Variants in SRD5A2 observed in about 807,000 individuals in gnomAD.
SRD5A2 encodes 3-oxo-5-alpha-steroid 4-dehydrogenase 2.
In SRD5A2, 30 loss-of-function variants were observed where a neutral mutation model predicts 27.4. The ratio of observed to expected loss-of-function variants is 1.10; its 90% CI spans 0.82 to 1.49. The LOEUF is 1.49. Ranked by LOEUF, SRD5A2 falls within the 40% of genes most tolerant of loss-of-function variation. The pLI is 0.00. For synonymous variants in SRD5A2, 141 were observed against 133.6 expected (o/e 1.06, Z -0.38); for missense variants, 348 against 323.4 (o/e 1.08, Z -0.58).
upstream of SRD5A2, among the ~76,000 whole-genome samples, chr2:31,583,230 A>C (rs1667110270): frequency 6.6e-6 from 1 of 152,218 alleles, no homozygotes; most frequent in South Asian, 2.1e-4. Flanking sequence ...TAGCTCCACC[A>C]TGTCTATATA....
chr2:31,582,673 T>C (rs1264445312), upstream of SRD5A2, among the ~76,000 whole-genome samples: 1 of 152,160 alleles, frequency 6.6e-6, no homozygotes, highest in Non-Finnish European at 1.5e-5. Context: ...TTCTCCCTGC[T>C]GGAAAACTCC....
chr2:31,608,215 T>A, the SRD5A2 span, among the ~76,000 whole-genome samples: 6 of 152,024 alleles, frequency 3.9e-5, no homozygotes, highest in East Asian at 1.2e-3. Flanking sequence ...TATACAATTA[T>A]ATCATAAGAG....
In SRD5A2 at chr2:31,522,723, T is replaced by C. The variant is rs892239877; in HGVS notation, c.*3473A>G. On this transcript the variant is annotated 3_prime_UTR_variant, in exon 5 of 5. Transcript: ENST00000622030. ...CTATGCCTCTTTCATCATAGGATAG[T>C]GTAGATGCTATAAAATAATCAGCAT... 9 of 223,222 alleles carry C rather than the reference T, an allele frequency of 4.0e-5. No homozygotes were observed. Among genetic ancestry groups the C allele is most frequent in the Non-Finnish European group, 7.2e-5 (8 of 111,696 alleles). 13.8% of individuals were successfully genotyped at this position (223,222 alleles called of 1,614,324 possible). A position where few individuals can be genotyped will look rare whatever the true frequency, so the allele number is the denominator to read the frequency against.
intron 1 of SRD5A2, among the ~76,000 whole-genome samples, chr2:31,564,523 T>G (rs930301999): frequency 5.3e-5 from 8 of 151,944 alleles, no homozygotes; most frequent in African/African-American, 1.9e-4. Flanking sequence ...CCAATTTTGA[T>G]GAAAGACTCA....
chr2:31,572,212 G>C (rs1313199891), intron 1 of SRD5A2, among the ~76,000 whole-genome samples: 1 of 152,144 alleles, frequency 6.6e-6, no homozygotes, highest in Non-Finnish European at 1.5e-5. Context: ...CATAGAAACT[G>C]AAAACCAACT....
chr2:31,556,486 G>A (rs575051178), intron 1 of SRD5A2, among the ~76,000 whole-genome samples: 149 of 152,280 alleles, frequency 9.8e-4, no homozygotes, highest in Middle Eastern at 3.4e-3. Flanking sequence ...AGCTCATCCT[G>A]TATAATCCAC....
rs1205776192 is a variant in SRD5A2 at position 31,522,523 on chromosome 2, C to T, written c.*3673G>A. The T allele has an allele frequency of 5.2e-6, 1 of 193,952 alleles. No homozygotes were observed. The highest frequency in any genetic ancestry group is 1.1e-5 in the Non-Finnish European group (1 of 93,046). The allele number at this position is 193,952 out of a possible 1,614,324, so 12.0% of individuals were successfully genotyped here. ...TTCTCCAGTTATTTATTTTATTCAT[C>T]CAAATCTCAAGCTAAGGTTGATGGG... is the stretch of plus-strand genomic sequence containing the variant. On this transcript the variant is annotated 3_prime_UTR_variant, in exon 5 of 5. Coordinates refer to ENST00000622030, the MANE Select transcript of SRD5A2 (RefSeq NM_000348.4).
At chr2:31,620,425 T>C in the SRD5A2 span, among the ~76,000 whole-genome samples, 1 of 152,144 alleles carries the variant, frequency 6.6e-6, no homozygotes, top group African/African-American at 2.4e-5. Context: ...TTATTCTATA[T>C]GTAGAAAACC....
At chr2:31,590,882 T>A in the SRD5A2 span, among the ~76,000 whole-genome samples, 11 of 152,320 alleles carry the variant, frequency 7.2e-5, no homozygotes, top group East Asian at 1.7e-3. Context: ...TGGCTAGCCA[T>A]ATGTTGAAAG....
At chr2:31,627,910 T>C in the SRD5A2 span, among the ~76,000 whole-genome samples, 1 of 152,118 alleles carries the variant, frequency 6.6e-6, no homozygotes, top group East Asian at 1.9e-4. Context: ...GTCAATTTTA[T>C]AGTGTGTGTC....
chr2:31,573,651 T>G (rs938964606), intron 1 of SRD5A2, among the ~76,000 whole-genome samples: 1 of 152,216 alleles, frequency 6.6e-6, no homozygotes, highest in African/African-American at 2.4e-5. Context: ...GCCCTTCCAC[T>G]GTCCCTCACC....
chr2:31,580,793 G>T lies in SRD5A2; in HGVS notation c.108C>A (p.His36Gln), dbSNP rs1487065913. 6.2e-7 allele frequency: 1 copy of T among 1,612,246 alleles called. No individual in the cohort carries two copies. The highest frequency in any genetic ancestry group is 2.2e-5 in the East Asian group (1 of 44,848). Residue 36 changes from histidine to glutamine, a missense_variant, in exon 1 of 5, where the codon CAC (histidine) becomes CAA (glutamine). His to Gln is a conservative substitution (Grantham distance 24). Coordinates refer to ENST00000622030, the MANE Select transcript of SRD5A2 (RefSeq NM_000348.4). Reference protein sequence around the residue: ...YVAKPSGYGKHTESLKPAATR... With the variant: ...YVAKPSGYGKQTESLKPAATR... The stretch of plus-strand genomic sequence containing the variant: ...TAGCCGCCGGCTTCAGGCTCTCCGT[G>T]TGCTTCCCGTAGCCGGAGGGCTTCG...
At chr2:31,634,737 A>T in the SRD5A2 span, among the ~76,000 whole-genome samples, 1 of 151,718 alleles carries the variant, frequency 6.6e-6, no homozygotes, top group East Asian at 1.9e-4. Context: ...CTCTATCTTC[A>T]TGAGTTCTAC....
At chr2:31,626,746 G>A in the SRD5A2 span, among the ~76,000 whole-genome samples, 2 of 152,154 alleles carry the variant, frequency 1.3e-5, no homozygotes, top group African/African-American at 4.8e-5. Context: ...TGTGCTGCTG[G>A]ATTCGGTTTG....
chr2:31,579,916 C>G (rs1480985024), intron 1 of SRD5A2, among the ~76,000 whole-genome samples: 1 of 152,174 alleles, frequency 6.6e-6, no homozygotes, highest in East Asian at 1.9e-4. Context: ...GTTACCCACT[C>G]ACATTTCAAG....
the SRD5A2 span, among the ~76,000 whole-genome samples, chr2:31,625,592 T>C: frequency 4.4e-4 from 67 of 152,362 alleles, no homozygotes; most frequent in African/African-American, 1.6e-3. Context: ...TAGCCAGTTT[T>C]CCCAGCGACA....
the SRD5A2 span, among the ~76,000 whole-genome samples, chr2:31,610,636 A>C: frequency 6.6e-6 from 1 of 152,172 alleles, no homozygotes; most frequent in Non-Finnish European, 1.5e-5. Flanking sequence ...GTCCTAGCCA[A>C]AACAATTAGA....
rs28383092 is a variant in SRD5A2, at chr2:31,524,274, C to T, written c.*1922G>A. 20 of 227,612 alleles carry T rather than the reference C, an allele frequency of 8.8e-5. No individual in the cohort carries two copies. The highest frequency in any genetic ancestry group is 4.6e-4 in the Admixed American group (8 of 17,546). 14.1% of individuals were successfully genotyped at this position (227,612 alleles called of 1,614,324 possible). ...AAGCTACACCTGAAGATTTACTTCA[C>T]CAAGTGTGTTCATTCCCCCTGTGTA... On this transcript the variant is annotated 3_prime_UTR_variant, in exon 5 of 5. Coordinates refer to ENST00000622030, the MANE Select transcript of SRD5A2 (RefSeq NM_000348.4).
the SRD5A2 span, among the ~76,000 whole-genome samples, chr2:31,624,464 T>G: frequency 6.6e-6 from 1 of 152,116 alleles, no homozygotes; most frequent in African/African-American, 2.4e-5. Flanking sequence ...GCTGCACTCA[T>G]TAACTCATTA....
Sources: allele counts gnomAD v4.1 joint callset (sites outside exome capture counted in the v4.1 genomes callset), GRCh38; gene constraint gnomAD v4.1.1; transcripts MANE v1.5; gene names NCBI Gene and HGNC (gene_info 2026-07-23, HGNC 2026-07-21).